PCGF5: variants seen among roughly 807,000 people sequenced by gnomAD.
The protein encoded by PCGF5 is polycomb group ring finger 5.
Under a neutral mutation model 44.3 loss-of-function variants are expected in PCGF5, and 9 were observed. That is an observed-to-expected ratio of 0.20 (90% CI 0.12 to 0.35). The LOEUF (loss-of-function observed/expected upper bound fraction) is 0.35, where lower values mean the gene tolerates loss of function less well. Ranked by LOEUF, PCGF5 falls within the 10% of genes least tolerant of loss-of-function variation. PCGF5 has a pLI of 1.00. For missense variants in PCGF5, 146 were observed against 305.3 expected (o/e 0.48, Z 3.89); for synonymous variants, 95 against 102.5 (o/e 0.93, Z 0.44).
At chr10:91,267,927 A>G (rs1301947238) in intron 8 of PCGF5, among the ~76,000 whole-genome samples, 1 of 152,138 alleles carries the variant, frequency 6.6e-6, no homozygotes, top group African/African-American at 2.4e-5. Flanking sequence ...GCTTTTTTGT[A>G]TTAAACATTT....
upstream of PCGF5, among the ~76,000 whole-genome samples, chr10:91,162,082 G>A (rs1483584244): frequency 6.6e-6 from 1 of 152,012 alleles, no homozygotes; most frequent in Non-Finnish European, 1.5e-5. Flanking sequence ...TATTCTGGCA[G>A]AGAACAGAGA....
At chr10:91,177,889 A>T (rs112045347) in intron 1 of PCGF5, among the ~76,000 whole-genome samples, 6 of 152,122 alleles carry the variant, frequency 3.9e-5, no homozygotes, top group African/African-American at 1.4e-4. Flanking sequence ...TTCAGCTCAC[A>T]CTTGGTGCAC....
At chr10:91,198,314 C>A (rs555590153) in intron 1 of PCGF5, among the ~76,000 whole-genome samples, 9 of 152,330 alleles carry the variant, frequency 5.9e-5, no homozygotes, top group African/African-American at 2.2e-4. Context: ...GAACCTTGGA[C>A]ATCAGCATCG....
chr10:91,216,595 A>G (rs889209572), upstream of PCGF5, among the ~76,000 whole-genome samples: 1 of 152,244 alleles, frequency 6.6e-6, no homozygotes, highest in Non-Finnish European at 1.5e-5. Flanking sequence ...TTTGGCAGAA[A>G]AGAGCTGTAG....
At chr10:91,250,417 A>G (rs767822648) in intron 5 of PCGF5, among the ~76,000 whole-genome samples, 8 of 151,576 alleles carry the variant, frequency 5.3e-5, no homozygotes, top group Non-Finnish European at 1.0e-4. Flanking sequence ...TTCACTCCCA[A>G]AGTTTGGGTT....
chr10:91,244,168 A>G lies in PCGF5; in HGVS notation c.209+3588A>G, dbSNP rs1845400986. Among the ~76,000 whole-genome samples, 3 of 152,208 alleles carry G rather than the reference A, an allele frequency of 2.0e-5. No individual in the cohort carries two copies. In the South Asian group the frequency reaches 6.2e-4, roughly 31 times the overall value. On this transcript the variant is annotated intron_variant, in intron 3 of 9. Transcript: ENST00000336126. ...AGAAAGAGGAAAGTGTTGTGAGGTG[A>G]GGAGGTCAAGAGTGTGAAGTGGGGG...
At chr10:91,170,186 G>A (rs1843578604) in intron 1 of PCGF5, among the ~76,000 whole-genome samples, 1 of 152,174 alleles carries the variant, frequency 6.6e-6, no homozygotes, top group South Asian at 2.1e-4. Context: ...AGATAACATA[G>A]GAGAAAATCT....
chr10:91,261,197 A>C (rs1316080905), intron 6 of PCGF5, 129 bp from the exon 7 acceptor site: 2 of 1,175,670 alleles, frequency 1.7e-6, no homozygotes, highest in Non-Finnish European at 2.2e-6. Context: ...TATAAATTGA[A>C]ATGTTTTCAC....
intron 6 of PCGF5, among the ~76,000 whole-genome samples, chr10:91,257,078 G>A (rs1041533808): frequency 6.6e-6 from 1 of 152,090 alleles, no homozygotes; most frequent in Admixed American, 6.6e-5. Flanking sequence ...AGCCTTTAAT[G>A]TACAGGTATA....
intron 1 of PCGF5, among the ~76,000 whole-genome samples, chr10:91,174,363 C>T (rs1272743386): frequency 6.6e-6 from 1 of 152,004 alleles, no homozygotes; most frequent in African/African-American, 2.4e-5. Flanking sequence ...ATAAATTAGA[C>T]AGGTGTGGCG....
At chr10:91,187,512 T>C (rs1843949605) in intron 1 of PCGF5, among the ~76,000 whole-genome samples, 1 of 151,982 alleles carries the variant, frequency 6.6e-6, no homozygotes, top group African/African-American at 2.4e-5. Context: ...AAACAAATAG[T>C]CTTTTCATTA....
At chr10:91,243,736 C>T (rs1033460178) in intron 3 of PCGF5, among the ~76,000 whole-genome samples, 11 of 151,962 alleles carry the variant, frequency 7.2e-5, no homozygotes, top group Non-Finnish European at 1.5e-4. Flanking sequence ...CTAAATATAA[C>T]TTTATTGTTC....
At chr10:91,276,825 A>G (rs1846327733) in intron 9 of PCGF5, among the ~76,000 whole-genome samples, 1 of 152,216 alleles carries the variant, frequency 6.6e-6, no homozygotes, top group Non-Finnish European at 1.5e-5. Flanking sequence ...CAGTTAGTAT[A>G]GTGAAGGGCA....
chr10:91,251,042 T>G (rs993570457), intron 5 of PCGF5, among the ~76,000 whole-genome samples: 4 of 151,768 alleles, frequency 2.6e-5, no homozygotes, highest in African/African-American at 4.8e-5. Context: ...CCTGAATCTT[T>G]CATTTGGATG....
intron 3 of PCGF5, among the ~76,000 whole-genome samples, chr10:91,241,713 T>C (rs1845332538): frequency 6.6e-6 from 1 of 152,142 alleles, no homozygotes; most frequent in Admixed American, 6.5e-5. Context: ...TAGAGCTAGA[T>C]AGTCTCTGGA....
intron 5 of PCGF5, among the ~76,000 whole-genome samples, chr10:91,249,894 G>T (rs1205646927): frequency 3.3e-5 from 5 of 151,940 alleles, no homozygotes; most frequent in African/African-American, 1.2e-4. Flanking sequence ...TAGTAGTAGT[G>T]CTCTAGTAAA....
At chr10:91,240,631 C>A in intron 3 of PCGF5, 51 bp downstream of exon 3, 1 of 1,205,968 alleles carries the variant, frequency 8.3e-7, no homozygotes, top group Non-Finnish European at 1.2e-6. Context: ...ATTGAATAGG[C>A]TCTTAATTTT....
chr10:91,204,042 G>A (rs1440124384), intron 1 of PCGF5, among the ~76,000 whole-genome samples: 1 of 152,170 alleles, frequency 6.6e-6, no homozygotes, highest in Non-Finnish European at 1.5e-5. Flanking sequence ...TCATAAAAAT[G>A]TTCTAATATC....
At chr10:91,237,311 T>C (rs958801896) in intron 2 of PCGF5, among the ~76,000 whole-genome samples, 12 of 152,300 alleles carry the variant, frequency 7.9e-5, no homozygotes, top group Non-Finnish European at 1.3e-4. Flanking sequence ...TAACAGTATA[T>C]CATCCAAACG....
Sources: allele counts gnomAD v4.1 joint callset (sites outside exome capture counted in the v4.1 genomes callset), GRCh38; gene constraint gnomAD v4.1.1; transcripts MANE v1.5; gene names NCBI Gene and HGNC (gene_info 2026-07-23, HGNC 2026-07-21).